The following PHF20 variants were observed in gnomAD, a reference collection of about 807,000 sequenced individuals.
PHF20 encodes glioma-expressed antigen 2.
A neutral mutation model predicts 113.5 loss-of-function variants in PHF20; 23 were observed. The ratio of observed to expected loss-of-function variants is 0.20; its 90% CI spans 0.15 to 0.29. The LOEUF (loss-of-function observed/expected upper bound fraction) is 0.29. Among genes scored for constraint, PHF20 ranks in the 10% least tolerant of loss-of-function variants. The pLI is 1.00. For synonymous variants in PHF20, 434 were observed against 457.3 expected (o/e 0.95, Z 0.65); for missense variants, 943 against 1,219.6 (o/e 0.77, Z 3.38).
intron 1 of PHF20, chr20:35,799,987 C>A (rs1166472326): frequency 6.6e-6 from 1 of 152,034 alleles, no homozygotes; most frequent in African/African-American, 2.4e-5. Context: ...TTATGGGGGC[C>A]ACTTTTCTTG....
intron 5 of PHF20, 77 bp from the exon 6 acceptor site, chr20:35,862,936 A>G: frequency 2.1e-6 from 3 of 1,402,940 alleles, no homozygotes; most frequent in South Asian, 1.4e-5. Context: ...GTTTGTCTTC[A>G]TAAGTTTGTA....
chr20:35,872,820 C>G (rs6060650), intron 9 of PHF20, among the ~76,000 whole-genome samples: 8 of 152,290 alleles, frequency 5.3e-5, no homozygotes, highest in African/African-American at 1.7e-4. Flanking sequence ...AGCATATGAT[C>G]TGTCCTGGTG....
chr20:35,946,744 T>G (rs1287615202), intron 17 of PHF20, among the ~76,000 whole-genome samples: 2 of 151,894 alleles, frequency 1.3e-5, no homozygotes, highest in African/African-American at 4.8e-5. Context: ...GGAGTCTCGC[T>G]TTGTCGCCAG....
intron 1 of PHF20, chr20:35,800,099 G>GTT (rs1232524538): frequency 6.6e-6 from 1 of 152,098 alleles, no homozygotes; most frequent in East Asian, 1.9e-4. Flanking sequence ...TGCAGCACGA[G>GTT]TACACGAGAC....
chr20:35,797,743 C>A (rs1034239783), intron 1 of PHF20, among the ~76,000 whole-genome samples: 1 of 150,870 alleles, frequency 6.6e-6, no homozygotes, highest in African/African-American at 2.4e-5. Flanking sequence ...CCTCCGCCTC[C>A]TGGGTTCAAG....
chr20:35,787,022 T>A (rs1461100832), intron 1 of PHF20, among the ~76,000 whole-genome samples: 1 of 150,680 alleles, frequency 6.6e-6, no homozygotes. Flanking sequence ...CAGGGTCTCT[T>A]GCTCTGTTGC....
intron 1 of PHF20, among the ~76,000 whole-genome samples, chr20:35,779,737 T>C (rs1281906589): frequency 3.3e-5 from 5 of 152,058 alleles, no homozygotes; most frequent in Admixed American, 3.3e-4. Context: ...GCCAGGCTAG[T>C]CTTGAACTCC....
At chr20:35,819,650 G>C (rs1600779829) in intron 2 of PHF20, among the ~76,000 whole-genome samples, 2 of 101,622 alleles carry the variant, frequency 2.0e-5, no homozygotes, top group South Asian at 6.3e-4. Flanking sequence ...TACACCATCT[G>C]TGTGTGTGTG....
chr20:35,780,221 C>CTTT (rs930285446), intron 1 of PHF20, among the ~76,000 whole-genome samples: 70 of 123,254 alleles, frequency 5.7e-4, no homozygotes, highest in South Asian at 8.1e-4. Flanking sequence ...CCCCAGATTT[C>CTTT]TTTTTTTTTT....
intron 9 of PHF20, among the ~76,000 whole-genome samples, chr20:35,897,559 C>CTTTTTTTTT (rs150122625): frequency 2.8e-5 from 3 of 107,684 alleles, no homozygotes; most frequent in South Asian, 3.5e-4. Flanking sequence ...TTCTGGATCC[C>CTTTTTTTTT]TTTTTTTTTT....
intron 17 of PHF20, among the ~76,000 whole-genome samples, chr20:35,943,873 G>T (rs73618555): frequency 6.6e-6 from 1 of 152,042 alleles, no homozygotes; most frequent in Non-Finnish European, 1.5e-5. Flanking sequence ...CCTGCCTCGG[G>T]CTCCCAAAGT....
intron 5 of PHF20, among the ~76,000 whole-genome samples, chr20:35,862,744 C>A (rs561696502): frequency 1.3e-5 from 2 of 152,196 alleles, no homozygotes; most frequent in African/African-American, 4.8e-5. Flanking sequence ...GAAACAAAAA[C>A]AAACAAAAAC....
chr20:35,807,550 G>A (rs1361971944), intron 2 of PHF20, among the ~76,000 whole-genome samples: 1 of 151,700 alleles, frequency 6.6e-6, no homozygotes, highest in South Asian at 2.1e-4. Flanking sequence ...GCGGGGTTTT[G>A]CCATTTTGGC....
chr20:35,836,073 A>G (rs2042434649), intron 2 of PHF20, among the ~76,000 whole-genome samples: 1 of 152,172 alleles, frequency 6.6e-6, no homozygotes, highest in Non-Finnish European at 1.5e-5. Context: ...CAGTGGCACA[A>G]TTATAGTTCA....
At chr20:35,865,656 C>T (rs2054307811) in intron 6 of PHF20, among the ~76,000 whole-genome samples, 1 of 151,724 alleles carries the variant, frequency 6.6e-6, no homozygotes, top group Admixed American at 6.6e-5. Context: ...GCACATGCCA[C>T]CATGCCCAGC....
chr20:35,854,713 T>G (rs2042797396), intron 4 of PHF20, among the ~76,000 whole-genome samples: 1 of 152,182 alleles, frequency 6.6e-6, no homozygotes. Context: ...TTTGGGTCAT[T>G]TCAGCACTCT....
chr20:35,884,434 G>A (rs2054689297), intron 9 of PHF20, among the ~76,000 whole-genome samples: 2 of 152,304 alleles, frequency 1.3e-5, no homozygotes, highest in South Asian at 4.1e-4. Flanking sequence ...GGGCAGCTCT[G>A]CCACCTTGTG....
At chr20:35,900,029 G>C (rs2055065585) in intron 10 of PHF20, among the ~76,000 whole-genome samples, 1 of 152,118 alleles carries the variant, frequency 6.6e-6, no homozygotes. Context: ...AAAAGAGCAC[G>C]ATAACCAAAA....
At chr20:35,827,143 C>T (rs2042276234) in intron 2 of PHF20, among the ~76,000 whole-genome samples, 1 of 152,092 alleles carries the variant, frequency 6.6e-6, no homozygotes, top group African/African-American at 2.4e-5. Flanking sequence ...CTCTTGTCGC[C>T]CAGGCTGGAG....
Sources: gnomAD v4.1 joint callset for allele counts (sites outside exome capture counted in the v4.1 genomes callset) on GRCh38, gnomAD v4.1.1 for gene constraint, MANE v1.5 for transcripts, NCBI Gene and HGNC (gene_info 2026-07-23, HGNC 2026-07-21) for gene names.